NSD2: variants seen among roughly 807,000 people sequenced by gnomAD.
NSD2 encodes the protein nuclear receptor binding SET domain protein 2.
In NSD2, 12 loss-of-function variants were observed where a neutral mutation model predicts 139.0. The ratio of observed to expected loss-of-function variants is 0.09; its 90% CI spans 0.06 to 0.14. The LOEUF (loss-of-function observed/expected upper bound fraction) is 0.14. Ranked by LOEUF, NSD2 falls within the 10% of genes least tolerant of loss-of-function variation. NSD2 has a pLI of 1.00. For missense variants in NSD2, 1,155 were observed against 1,745.0 expected (o/e 0.66, Z 6.02); for synonymous variants, 669 against 648.7 (o/e 1.03, Z -0.48).
chr4:1,949,616 A>C (rs1480089095), intron 9 of NSD2, among the ~76,000 whole-genome samples: 1 of 152,164 alleles, frequency 6.6e-6, no homozygotes, highest in Non-Finnish European at 1.5e-5. Flanking sequence ...CAAAAAATTT[A>C]GCCGGACTTG....
Position 1,942,475 on chromosome 4 carries a change from T to C in NSD2, c.1881+2697T>C. ...ACACTCAGTGACATTTCTATCACAA[T>C]CATTTTATGGAAGATGTGTGATAAT... is the stretch of plus-strand genomic sequence containing the variant. On this transcript the variant is annotated intron_variant, in intron 9 of 21. Coordinates refer to ENST00000508803, the MANE Select transcript of NSD2 (RefSeq NM_001042424.3). This position sits in a 1 kb window ranked among gnomAD's most constrained non-coding sequence, Gnocchi z 4.0. 1 of 1,546,400 alleles carries C rather than the reference T, an allele frequency of 6.5e-7. No homozygotes were observed. Among genetic ancestry groups the C allele is most frequent in the Non-Finnish European group, 8.7e-7 (1 of 1,145,428 alleles).
Position 1,940,379 on chromosome 4 carries a change from T to C in NSD2, c.1881+601T>C, listed in dbSNP as rs994774721. On this transcript the variant is annotated intron_variant, in intron 9 of 21. Transcript: ENST00000508803. The stretch of plus-strand genomic sequence containing the variant: ...TGTTCTGGACTTGCAGAGTACATGA[T>C]AGCAAAATAAAGCCATTTGGGGCTG... The C allele has an allele frequency of 6.6e-6, 7 of 1,064,260 alleles. No individual in the cohort carries two copies. In the African/African-American group the frequency reaches 9.8e-5, roughly 15 times the overall value. The allele number at this position is 1,064,260 out of a possible 1,614,324, so 65.9% of individuals were successfully genotyped here. A position where few individuals can be genotyped will look rare whatever the true frequency, so the allele number is the denominator to read the frequency against.
In NSD2 at chr4:1,955,029, A is replaced by T; in HGVS notation, c.2339-132A>T. ...CACCTTTGCTCTGAAAGCTTTTTTT[A>T]AATCAAATACCTCCATTTCATTTTA... On this transcript the variant is annotated intron_variant, in intron 12 of 21. Transcript: ENST00000508803. The surrounding 1 kb of genome is among the most constrained non-coding windows in gnomAD (Gnocchi z 4.7). 2 of 1,065,148 alleles carry T rather than the reference A, an allele frequency of 1.9e-6. No individual in the cohort carries two copies. Among genetic ancestry groups the T allele is most frequent in the Non-Finnish European group, 2.7e-6 (2 of 750,906 alleles). The allele number at this position is 1,065,148 out of a possible 1,614,324, so 66.0% of individuals were successfully genotyped here.
chr4:1,921,453 G>A (rs902857893), intron 5 of NSD2, among the ~76,000 whole-genome samples: 9 of 149,456 alleles, frequency 6.0e-5, no homozygotes, highest in South Asian at 2.1e-4. Flanking sequence ...GCGAGACTCC[G>A]TCTCAAATTA....
In NSD2 at chr4:1,901,041, C is replaced by G. The variant is rs1480230414; in HGVS notation, c.387C>G (p.Thr129=). ...CTCCAGAAATTAAGCTGAAAATCAC[C>G]AAAACATACATGAATGGGAAGCCTC... ...NGSPEIKLKI[T]KTYMNGKPLF... is the part of the protein sequence containing the mutation. The change falls in exon 2 of 22, where the codon ACC becomes ACG. Residue 129 remains threonine, a synonymous_variant. Coordinates refer to ENST00000508803, the MANE Select transcript of NSD2 (RefSeq NM_001042424.3). 1 of 1,614,174 alleles carries G rather than the reference C, an allele frequency of 6.2e-7. No homozygotes were observed. The highest frequency in any genetic ancestry group is 2.2e-5 in the East Asian group (1 of 44,888).
At chr4:1,905,783 G>C (rs532785347) in intron 3 of NSD2, among the ~76,000 whole-genome samples, 4 of 152,208 alleles carry the variant, frequency 2.6e-5, no homozygotes, top group African/African-American at 9.6e-5. Flanking sequence ...CTTCAGCTCT[G>C]TCTCCATGGA....
intron 3 of NSD2, chr4:1,912,037 G>C (rs1033337900): frequency 3.8e-5 from 11 of 293,328 alleles, no homozygotes; most frequent in Non-Finnish European, 6.8e-5. Context: ...TTCTTACAAA[G>C]TTTTAAAGTA....
At chr4:1,938,400 TCTTTTTTTTTTC>T (rs760883485) in intron 7 of NSD2, 39 bp from the exon 8 acceptor site, 3 of 1,257,798 alleles carry the variant, frequency 2.4e-6, no homozygotes, top group South Asian at 1.8e-5. Flanking sequence ...TTTTTTCTTT[TCTTTTTTTTTTC>T]TTTCTTTTTT....
At chr4:1,876,941 G>C (rs1055895690) in intron 1 of NSD2, among the ~76,000 whole-genome samples, 2 of 151,994 alleles carry the variant, frequency 1.3e-5, no homozygotes, top group East Asian at 3.9e-4. Flanking sequence ...TTCGAGACCA[G>C]CCTGGGAAAT....
At chr4:1,909,134 C>A (rs1245951615) in intron 3 of NSD2, among the ~76,000 whole-genome samples, 1 of 151,970 alleles carries the variant, frequency 6.6e-6, no homozygotes, top group Non-Finnish European at 1.5e-5. Flanking sequence ...CCAAATTTGA[C>A]CAGTGGGAGT....
At chr4:1,908,257 G>T (rs1482127978) in intron 3 of NSD2, among the ~76,000 whole-genome samples, 2 of 152,232 alleles carry the variant, frequency 1.3e-5, no homozygotes, top group African/African-American at 2.4e-5. Context: ...GGATCTCACA[G>T]TTGGAACCTT....
chr4:1,890,297 T>G (rs1715429793), intron 1 of NSD2, among the ~76,000 whole-genome samples: 1 of 152,050 alleles, frequency 6.6e-6, no homozygotes, highest in African/African-American at 2.4e-5. Flanking sequence ...TTGTTTTGTT[T>G]TGTTTTTTGT....
chr4:1,936,768 CTT>C (rs984503221), intron 7 of NSD2, among the ~76,000 whole-genome samples: 15 of 151,420 alleles, frequency 9.9e-5, no homozygotes, highest in Admixed American at 3.3e-4. Flanking sequence ...TTAAAATGCT[CTT>C]TTTATTTCAA....
At chr4:1,970,447 C>T (rs1042193552) in intron 18 of NSD2, among the ~76,000 whole-genome samples, 16 of 152,170 alleles carry the variant, frequency 1.1e-4, no homozygotes, top group African/African-American at 3.9e-4. Flanking sequence ...GAGAGATGAG[C>T]TCCAGGCCTC....
At position 1,930,760 on chromosome 4, in the gene NSD2, A is replaced by C; in HGVS notation, c.1545A>C (p.Glu515Asp). Reference sequence around the variant, plus strand: ...CCCTGGTGGCCCCTGTCCAGGCTGAAGAAGACTCTGGTAAACATAGCATTA... The same window carrying C: ...CCCTGGTGGCCCCTGTCCAGGCTGACGAAGACTCTGGTAAACATAGCATTA... The part of the protein sequence containing the change: ...KFALVAPVQA[E>D]EDSGNVNGKK... Residue 515 changes from glutamate (E) to aspartate (D), a missense_variant, in exon 6 of 22, where the codon GAA becomes GAC. Physicochemically the swap from Glu to Asp is conservative, Grantham distance 45. This residue lies in a region of NSD2 where 420 missense variants were observed against 469.0 expected (regional missense o/e 0.90). Transcript: ENST00000508803. 6.2e-7 allele frequency: 1 copy of C among 1,613,300 alleles called. No homozygotes were observed. Among genetic ancestry groups the C allele is most frequent in the Non-Finnish European group, 8.5e-7 (1 of 1,179,656 alleles).
At chr4:1,872,613 A>AGAGAGAGAGAGAGAGAGAGAGAGAGG (rs1560533957) in intron 1 of NSD2, among the ~76,000 whole-genome samples, 8 of 143,882 alleles carry the variant, frequency 5.6e-5, no homozygotes, top group African/African-American at 1.5e-4. Flanking sequence ...AGAGAGAGAG[A>AGAGAGAGAGAGAGAGAGAGAGAGAGG]GAGAGAGAGA....
chr4:1,971,165 C>T (rs953125648), intron 18 of NSD2, among the ~76,000 whole-genome samples: 3 of 152,078 alleles, frequency 2.0e-5, no homozygotes, highest in Admixed American at 6.5e-5. Flanking sequence ...TCGAGACCAG[C>T]CTGGGCAACA....
In NSD2 at chr4:1,885,781, C is replaced by A. The variant is rs376750304; in HGVS notation, c.-30+14239C>A. ...CTCTGCACCGGTTCTGCAGAGCTGCCCTGAGTACAGGTAGTTCCTCACTGC... is the reference window on the plus strand; with the variant it reads ...CTCTGCACCGGTTCTGCAGAGCTGCACTGAGTACAGGTAGTTCCTCACTGC... On this transcript the variant is annotated intron_variant, in intron 1 of 21. Coordinates refer to ENST00000508803, the MANE Select transcript of NSD2 (RefSeq NM_001042424.3). 3.9e-5 allele frequency among the ~76,000 whole-genome samples: 6 copies of A among 152,078 alleles called. No individual in the cohort carries two copies. In the East Asian group the frequency reaches 5.8e-4, roughly 15 times the overall value.
chr4:1,904,177 T>C, intron 2 of NSD2, 39 bp from the exon 3 acceptor site: 2 of 1,598,954 alleles, frequency 1.3e-6, no homozygotes, highest in Non-Finnish European at 8.5e-7. Context: ...AGGTAGTGAT[T>C]GGATGTGTTA....
Sources: gnomAD v4.1 joint callset for allele counts (sites outside exome capture counted in the v4.1 genomes callset) on GRCh38, gnomAD v4.1.1 for gene constraint, gnomAD v4.1.1 regional missense constraint, Gnocchi (gnomAD v3.1) non-coding constraint, MANE v1.5 for transcripts, NCBI Gene and HGNC (gene_info 2026-07-23, HGNC 2026-07-21) for gene names.